Variants in ANKRD44 observed in about 807,000 individuals in gnomAD.
The protein encoded by ANKRD44 is serine/threonine-protein phosphatase 6 regulatory ankyrin repeat subunit B.
Under a neutral mutation model 116.0 loss-of-function variants are expected in ANKRD44, and 35 were observed. The ratio of observed to expected loss-of-function variants is 0.30; its 90% CI spans 0.23 to 0.40. The LOEUF (loss-of-function observed/expected upper bound fraction) is 0.40. Among genes scored for constraint, ANKRD44 ranks in the 10% least tolerant of loss-of-function variants. ANKRD44 has a pLI of 1.00. For synonymous variants in ANKRD44, 435 were observed against 461.8 expected, an observed-to-expected ratio of 0.94 and a Z score of 0.74; for missense variants, 1,014 against 1,242.6, an observed-to-expected ratio of 0.82 and a Z score of 2.77.
intron 9 of ANKRD44, among the ~76,000 whole-genome samples, chr2:197,106,597 G>A (rs985886626): frequency 1.3e-5 from 2 of 151,998 alleles, no homozygotes; most frequent in African/African-American, 4.8e-5. Context: ...AGACCATCCT[G>A]GCTAACATGG....
intron 15 of ANKRD44, among the ~76,000 whole-genome samples, chr2:197,080,777 C>A (rs1051356386): frequency 6.6e-6 from 1 of 152,138 alleles, no homozygotes; most frequent in Admixed American, 6.6e-5. Flanking sequence ...GGAGTAGACA[C>A]AGGCATTCGG....
At chr2:197,082,543 A>T (rs1174593463) in intron 14 of ANKRD44, among the ~76,000 whole-genome samples, 4 of 152,222 alleles carry the variant, frequency 2.6e-5, no homozygotes, top group Non-Finnish European at 1.5e-5. Flanking sequence ...TCCATTTTAC[A>T]TACTATATGA....
At chr2:197,164,553 T>C (rs1334584229) in intron 2 of ANKRD44, among the ~76,000 whole-genome samples, 1 of 152,172 alleles carries the variant, frequency 6.6e-6, no homozygotes, top group Non-Finnish European at 1.5e-5. Flanking sequence ...AAAGGCCGGC[T>C]TCGCGGCCGC....
At chr2:197,136,970 A>G (rs1381988968) in intron 3 of ANKRD44, among the ~76,000 whole-genome samples, 2 of 152,216 alleles carry the variant, frequency 1.3e-5, no homozygotes, top group African/African-American at 2.4e-5. Context: ...GGGTAGGCAG[A>G]TAGGCTCAAG....
chr2:197,240,524 A>G (rs1211538471), intron 1 of ANKRD44, among the ~76,000 whole-genome samples: 1 of 151,730 alleles, frequency 6.6e-6, no homozygotes, highest in African/African-American at 2.4e-5. Context: ...AAACTGTTCT[A>G]AAAACAGCAA....
chr2:197,124,157 A>C (rs1035503339), intron 6 of ANKRD44, among the ~76,000 whole-genome samples: 1 of 152,148 alleles, frequency 6.6e-6, no homozygotes, highest in Admixed American at 6.5e-5. Flanking sequence ...TCAAAAATCC[A>C]TGTCAACTTT....
chr2:197,052,834 C>A (rs1016733894), intron 16 of ANKRD44, among the ~76,000 whole-genome samples: 4 of 152,112 alleles, frequency 2.6e-5, no homozygotes, highest in Admixed American at 2.6e-4. Flanking sequence ...TAAAATAATT[C>A]TGTCTTTTAA....
rs150243868 is a variant in ANKRD44 at position 197,053,611 on chromosome 2, G to A, written c.1650+25092C>T. Among the ~76,000 whole-genome samples, 381 of 152,256 alleles carry A rather than the reference G, an allele frequency of 2.5e-3. 1 individual carries two copies. The highest frequency in any genetic ancestry group is 0.016 in the East Asian group (84 of 5,166). On this transcript the variant is annotated intron_variant, in intron 16 of 27. Transcript: ENST00000282272. The stretch of plus-strand genomic sequence containing the variant: ...TGATTCTCCTGCCTCAGCCTCCCGA[G>A]TAGCTGGGATTACAGGTGCCCACCA...
chr2:197,078,646 G>T (rs1285315587), intron 16 of ANKRD44, 57 bp downstream of exon 16: 10 of 1,592,156 alleles, frequency 6.3e-6, no homozygotes, highest in Non-Finnish European at 7.7e-6. Flanking sequence ...TAATGCCTCT[G>T]TGATTTGGGG....
chr2:197,275,718 C>T (rs967503498), intron 1 of ANKRD44, among the ~76,000 whole-genome samples: 23 of 151,716 alleles, frequency 1.5e-4, no homozygotes, highest in Admixed American at 2.6e-4. Flanking sequence ...TTGGTCGTTA[C>T]AATGATTACA....
chr2:197,015,051 G>A (rs917111081), intron 17 of ANKRD44: 1 of 242,178 alleles, frequency 4.1e-6, no homozygotes, highest in Admixed American at 4.1e-5. Context: ...GATACTTTAA[G>A]AGAACATTTT....
At chr2:197,028,322 A>T (rs909193449) in intron 16 of ANKRD44, among the ~76,000 whole-genome samples, 1 of 152,094 alleles carries the variant, frequency 6.6e-6, no homozygotes, top group Non-Finnish European at 1.5e-5. Flanking sequence ...TCCTGGGCTC[A>T]AGTGATCCTC....
Position 197,236,318 on chromosome 2 carries a change from C to T in ANKRD44, c.28-49212G>A, listed in dbSNP as rs187914655. On this transcript the variant is annotated intron_variant, in intron 1 of 27. Coordinates refer to ENST00000282272, the MANE Select transcript of ANKRD44 (RefSeq NM_001195144.2). ...TAGAAGATAGGTAAAGAAGACACGA[C>T]CTGCCCCAAAATCATCCACAAGTAT... Among the ~76,000 whole-genome samples, 20 of 152,238 alleles carry T rather than the reference C, an allele frequency of 1.3e-4. 1 individual carries two copies. In the East Asian group the frequency reaches 3.7e-3, roughly 28 times the overall value.
At position 197,099,934 on chromosome 2, in the gene ANKRD44, A is replaced by C. The variant is rs549298838; in HGVS notation, c.986-4T>G. 4 of 1,613,594 alleles carry C rather than the reference A, an allele frequency of 2.5e-6. No individual in the cohort carries two copies. The East Asian group carries it at 8.9e-5, about 36-fold the overall frequency. Reference sequence around the variant, plus strand: ...TCCACACAGTCAATTTCACCTCCTGAAAGAGATATTTTAATACAGGATAAC... The same window carrying C: ...TCCACACAGTCAATTTCACCTCCTGCAAGAGATATTTTAATACAGGATAAC... On this transcript the variant is annotated splice_region_variant and splice_polypyrimidine_tract_variant and intron_variant, in intron 9 of 27. Transcript: ENST00000282272.
intron 1 of ANKRD44, among the ~76,000 whole-genome samples, chr2:197,256,205 A>T (rs2082441801): frequency 6.6e-6 from 1 of 152,240 alleles, no homozygotes; most frequent in Non-Finnish European, 1.5e-5. Context: ...AAGATTTCAG[A>T]TAATGAACTA....
intron 27 of ANKRD44, among the ~76,000 whole-genome samples, chr2:196,991,953 T>G (rs2075926081): frequency 6.6e-6 from 1 of 152,180 alleles, no homozygotes; most frequent in African/African-American, 2.4e-5. Flanking sequence ...ATGTAATGGA[T>G]GTGAGAAAAT....
At chr2:197,167,589 C>A (rs1208379697) in intron 2 of ANKRD44, among the ~76,000 whole-genome samples, 1 of 152,140 alleles carries the variant, frequency 6.6e-6, no homozygotes, top group Non-Finnish European at 1.5e-5. Flanking sequence ...TGAAGCCCAC[C>A]AGAATGCATC....
chr2:197,126,800 CT>C (rs11332798), intron 4 of ANKRD44, among the ~76,000 whole-genome samples: 30,874 of 151,768 alleles, frequency 0.2, 3,405 homozygotes, highest in Middle Eastern at 0.35. Context: ...AATTGCATTG[CT>C]TTTAATGGCA....
chr2:197,214,785 A>C (rs1244320903), intron 1 of ANKRD44, among the ~76,000 whole-genome samples: 2 of 152,260 alleles, frequency 1.3e-5, no homozygotes, highest in African/African-American at 2.4e-5. Context: ...AAAGTCTTGA[A>C]TTGGAAGGTC....
Sources: allele counts gnomAD v4.1 joint callset (sites outside exome capture counted in the v4.1 genomes callset), GRCh38; gene constraint gnomAD v4.1.1; transcripts MANE v1.5; gene names NCBI Gene and HGNC (gene_info 2026-07-23, HGNC 2026-07-21).